GALNT13: variants seen among roughly 807,000 people sequenced by gnomAD.
GALNT13 encodes UDP-GalNAc:polypeptide N-acetylgalactosaminyltransferase 13.
A neutral mutation model predicts 64.2 loss-of-function variants in GALNT13; 28 were observed. That is an observed-to-expected ratio of 0.44 (90% CI 0.32 to 0.60). GALNT13 has a LOEUF of 0.60. Ranked by LOEUF, GALNT13 falls within the 20% of genes least tolerant of loss-of-function variation. GALNT13 has a pLI of 0.05. For synonymous variants in GALNT13, 214 were observed against 224.6 expected (o/e 0.95, Z 0.42); for missense variants, 577 against 669.8 (o/e 0.86, Z 1.53).
intron 1 of GALNT13, among the ~76,000 whole-genome samples, chr2:153,882,581 C>A (rs1235349269): frequency 2.6e-5 from 4 of 151,904 alleles, no homozygotes. Context: ...GTCAACAAGA[C>A]CCACTCAAGT....
chr2:153,522,547 AT>A, the GALNT13 span, among the ~76,000 whole-genome samples: 1 of 151,944 alleles, frequency 6.6e-6, no homozygotes, highest in Non-Finnish European at 1.5e-5. Flanking sequence ...TTCATTCTGG[AT>A]TTTGACCATC....
chr2:154,034,950 T>C (rs1031529250), intron 3 of GALNT13, among the ~76,000 whole-genome samples: 16 of 152,150 alleles, frequency 1.1e-4, no homozygotes, highest in African/African-American at 3.6e-4. Context: ...GGAATACTTA[T>C]ACACGTTTAG....
the GALNT13 span, among the ~76,000 whole-genome samples, chr2:153,635,707 G>C: frequency 6.6e-6 from 1 of 152,010 alleles, no homozygotes; most frequent in East Asian, 1.9e-4. Flanking sequence ...CAACTACTCT[G>C]TGTAACTCCA....
At chr2:153,507,565 C>T in the GALNT13 span, among the ~76,000 whole-genome samples, 2 of 152,158 alleles carry the variant, frequency 1.3e-5, no homozygotes, top group Non-Finnish European at 2.9e-5. Context: ...AGGCTTGAAC[C>T]ACCATGCCCA....
At chr2:153,956,383 A>G (rs10931852) in intron 3 of GALNT13, among the ~76,000 whole-genome samples, 38,067 of 152,134 alleles carry the variant, frequency 0.25, 6,627 homozygotes, top group East Asian at 0.82. Context: ...TATAGAGACC[A>G]TTTTCTAAAA....
the GALNT13 span, among the ~76,000 whole-genome samples, chr2:153,645,551 C>T: frequency 1.3e-5 from 2 of 151,946 alleles, no homozygotes; most frequent in Non-Finnish European, 2.9e-5. Context: ...TTTATTGACT[C>T]GTTAAGTCTA....
intron 9 of GALNT13, among the ~76,000 whole-genome samples, chr2:154,324,677 C>G (rs377403673): frequency 1.1e-4 from 17 of 152,028 alleles, no homozygotes; most frequent in African/African-American, 4.1e-4. Context: ...TAGGGAGAAC[C>G]AGTGAGCCAG....
chr2:153,777,529 G>A, the GALNT13 span, among the ~76,000 whole-genome samples: 12 of 152,320 alleles, frequency 7.9e-5, no homozygotes, highest in African/African-American at 2.4e-4. Context: ...GCAGCTAGGG[G>A]ATTGAACAGA....
chr2:153,647,292 C>T, the GALNT13 span, among the ~76,000 whole-genome samples: 1 of 152,130 alleles, frequency 6.6e-6, no homozygotes, highest in Non-Finnish European at 1.5e-5. Context: ...ATATCCTTCA[C>T]CCACTTGTTG....
chr2:153,482,976 G>T, the GALNT13 span, among the ~76,000 whole-genome samples: 1 of 152,110 alleles, frequency 6.6e-6, no homozygotes, highest in African/African-American at 2.4e-5. Flanking sequence ...AATGAAAAAA[G>T]CCATTAAATT....
intron 4 of GALNT13, among the ~76,000 whole-genome samples, chr2:154,201,204 T>C (rs888436015): frequency 2.0e-5 from 3 of 151,936 alleles, no homozygotes; most frequent in African/African-American, 7.3e-5. Context: ...GACTGCAGAG[T>C]GATGAAATTA....
chr2:153,234,496 C>T, the GALNT13 span, among the ~76,000 whole-genome samples: 5 of 152,068 alleles, frequency 3.3e-5, no homozygotes, highest in Non-Finnish European at 7.4e-5. Flanking sequence ...AGTAGCCTGG[C>T]TAAAAAACAA....
the GALNT13 span, among the ~76,000 whole-genome samples, chr2:153,090,307 A>T: frequency 4.6e-5 from 7 of 152,208 alleles, no homozygotes; most frequent in Non-Finnish European, 1.5e-5. Flanking sequence ...TTTGTCTTCA[A>T]GTCTCCCCAC....
intron 3 of GALNT13, among the ~76,000 whole-genome samples, chr2:154,124,366 T>G (rs1297919488): frequency 2.6e-5 from 4 of 152,086 alleles, no homozygotes; most frequent in Non-Finnish European, 5.9e-5. Flanking sequence ...TCCTATTTTA[T>G]ATTAAATTAC....
the GALNT13 span, among the ~76,000 whole-genome samples, chr2:153,288,338 G>A: frequency 3.3e-5 from 5 of 152,160 alleles, no homozygotes; most frequent in Non-Finnish European, 7.3e-5. Flanking sequence ...TGCATCGGTA[G>A]TCTTGACTTA....
chr2:154,025,134 G>A (rs1697854299), intron 3 of GALNT13, among the ~76,000 whole-genome samples: 1 of 152,086 alleles, frequency 6.6e-6, no homozygotes, highest in Non-Finnish European at 1.5e-5. Context: ...AGGCTACTCG[G>A]GGGTCATGGA....
intron 3 of GALNT13, among the ~76,000 whole-genome samples, chr2:154,059,973 A>G (rs1218205928): frequency 1.3e-5 from 2 of 152,148 alleles, no homozygotes; most frequent in African/African-American, 2.4e-5. Flanking sequence ...CCTAATCCCT[A>G]CTGTGATGGT....
At chr2:153,544,488 C>T in the GALNT13 span, among the ~76,000 whole-genome samples, 1 of 152,154 alleles carries the variant, frequency 6.6e-6, no homozygotes, top group African/African-American at 2.4e-5. Context: ...TACTTGAATA[C>T]TTGAACACAT....
At chr2:154,021,177 G>A (rs1367137394) in intron 3 of GALNT13, among the ~76,000 whole-genome samples, 9 of 152,046 alleles carry the variant, frequency 5.9e-5, no homozygotes, top group Admixed American at 1.3e-4. Context: ...TTGACTTGGC[G>A]ATGCGGGCTC....
Sources: gnomAD v4.1 joint callset for allele counts (sites outside exome capture counted in the v4.1 genomes callset) on GRCh38, gnomAD v4.1.1 for gene constraint, MANE v1.5 for transcripts, NCBI Gene and HGNC (gene_info 2026-07-23, HGNC 2026-07-21) for gene names.